The following NGEF variants were observed in gnomAD, a reference collection of about 807,000 sequenced individuals.
The protein encoded by NGEF is neuronal guanine nucleotide exchange factor.
NGEF carries 31 observed loss-of-function variants against 80.9 expected under a neutral mutation model. The observed-to-expected ratio is 0.38, with a 90% CI of 0.29 to 0.52. The LOEUF (loss-of-function observed/expected upper bound fraction) is 0.52. Ranked by LOEUF, NGEF falls within the 20% of genes least tolerant of loss-of-function variation. NGEF has a pLI of 0.84. For missense variants in NGEF, 709 were observed against 926.2 expected, an observed-to-expected ratio of 0.77 and a Z score of 3.04; for synonymous variants, 371 against 370.2, an observed-to-expected ratio of 1.00 and a Z score of -0.03.
intron 3 of NGEF, among the ~76,000 whole-genome samples, chr2:232,935,888 T>C (rs1213569553): frequency 2.0e-5 from 3 of 152,206 alleles, no homozygotes; most frequent in African/African-American, 7.2e-5. Context: ...GGAAATGTGG[T>C]AGCTTTTAAT....
intron 1 of NGEF, among the ~76,000 whole-genome samples, chr2:232,986,044 G>A (rs1386379640): frequency 6.6e-6 from 1 of 152,096 alleles, no homozygotes; most frequent in East Asian, 1.9e-4. Context: ...AAGCATTGCT[G>A]AAGATTGACT....
In NGEF at chr2:232,901,366, A is replaced by G. The variant is rs1692350401; in HGVS notation, c.829-6450T>C. ...TTTCTCCTCCCCGCTCTTTACCTAC[A>G]CGGTCTCCTTATGATCCAGGGTTCG... On this transcript the variant is annotated intron_variant, in intron 5 of 14. Coordinates refer to ENST00000264051, the MANE Select transcript of NGEF (RefSeq NM_019850.3). 3.0e-6 allele frequency: 3 copies of G among 985,162 alleles called. No individual in the cohort carries two copies. The South Asian group carries it at 1.4e-4, about 46-fold the overall frequency. The allele number at this position is 985,162 out of a possible 1,614,324, so 61.0% of individuals were successfully genotyped here. A position where few individuals can be genotyped will look rare whatever the true frequency, so the allele number is the denominator to read the frequency against.
intron 3 of NGEF, among the ~76,000 whole-genome samples, chr2:232,958,875 C>T (rs1486268740): frequency 6.6e-6 from 1 of 152,100 alleles, no homozygotes; most frequent in East Asian, 1.9e-4. Flanking sequence ...TTCTCCACTC[C>T]CACCCACTCC....
intron 5 of NGEF, among the ~76,000 whole-genome samples, chr2:232,904,392 C>T (rs959158819): frequency 2.0e-5 from 3 of 152,118 alleles, no homozygotes; most frequent in Non-Finnish European, 4.4e-5. Flanking sequence ...CCATGGCAGG[C>T]TAATTTTTGT....
At chr2:232,946,906 C>G (rs13413189) in intron 3 of NGEF, among the ~76,000 whole-genome samples, 14,450 of 145,030 alleles carry the variant, frequency 0.1, 887 homozygotes, top group African/African-American at 0.18. Context: ...TAGTCATACT[C>G]GAAAACAAAA....
At chr2:232,923,315 G>A (rs888991399) in intron 4 of NGEF, among the ~76,000 whole-genome samples, 2 of 152,146 alleles carry the variant, frequency 1.3e-5, no homozygotes, top group Non-Finnish European at 2.9e-5. Flanking sequence ...GTCACCCCAT[G>A]GCAGACGCTA....
At chr2:232,894,456 C>T in intron 6 of NGEF, 1 of 241,006 alleles carries the variant, frequency 4.1e-6, no homozygotes, top group Non-Finnish European at 8.0e-6. Flanking sequence ...CGGTTTGATG[C>T]ATGAGAGAGC....
Position 232,949,381 on chromosome 2 carries a change from G to A in NGEF, c.383+20833C>T, listed in dbSNP as rs1396046562. Among the ~76,000 whole-genome samples the A allele has an allele frequency of 3.9e-5, 6 of 152,102 alleles. No individual in the cohort carries two copies. In the East Asian group the frequency reaches 1.2e-3, roughly 29 times the overall value. On this transcript the variant is annotated intron_variant, in intron 3 of 14. Coordinates refer to ENST00000264051, the MANE Select transcript of NGEF (RefSeq NM_019850.3). ...AGTATCTTCTCAGGATAGACTCTGG[G>A]TCAAAGATTAGGAATATCTTTACTG...
chr2:232,960,965 T>G (rs1162117137), intron 3 of NGEF, among the ~76,000 whole-genome samples: 2 of 152,308 alleles, frequency 1.3e-5, no homozygotes, highest in Admixed American at 6.5e-5. Context: ...TGGCTTCCTG[T>G]GCCCCTCTTT....
chr2:233,010,790 G>A (rs575397312), intron 1 of NGEF, among the ~76,000 whole-genome samples: 2 of 152,292 alleles, frequency 1.3e-5, no homozygotes, highest in African/African-American at 4.8e-5. Context: ...AACAAAGGGA[G>A]GAGGAGTAAG....
intron 3 of NGEF, among the ~76,000 whole-genome samples, chr2:232,955,452 GC>G (rs1481198767): frequency 6.6e-6 from 1 of 152,180 alleles, no homozygotes; most frequent in Non-Finnish European, 1.5e-5. Context: ...CATCATGGCA[GC>G]CTGCTGATCA....
At chr2:232,907,695 A>T (rs996504605) in intron 5 of NGEF, among the ~76,000 whole-genome samples, 6 of 152,224 alleles carry the variant, frequency 3.9e-5, no homozygotes, top group African/African-American at 1.4e-4. Context: ...AAAGTAAAAA[A>T]AAAATCTTTA....
chr2:232,993,840 A>G (rs533610933), intron 1 of NGEF, among the ~76,000 whole-genome samples: 4 of 152,334 alleles, frequency 2.6e-5, no homozygotes, highest in Non-Finnish European at 2.9e-5. Context: ...GTATGATTGC[A>G]TTTATATGAA....
chr2:232,883,453 C>T lies in NGEF; in HGVS notation c.1615G>A (p.Val539Ile), dbSNP rs1304775412. ...AGTCCCCGCGGAGCTGAGTCAAATA[C>T]CTGGTACTTGTCTCTGGAGATCAGG... The part of the protein sequence containing the change: ...CRQIPGDKYQ[V>I]FDSAPRGLLR... The change falls in exon 12 of 15, where the codon GTA becomes ATA. Residue 539 changes from valine to isoleucine, a missense_variant. Val to Ile is a conservative substitution (Grantham distance 29). Around this residue, in one of 2 missense-constraint regions of NGEF, gnomAD observed 426 missense variants for 622.9 expected, o/e 0.68. Transcript: ENST00000264051. The T allele has an allele frequency of 1.9e-6, 3 of 1,601,852 alleles. No homozygotes were observed. The highest frequency in any genetic ancestry group is 2.6e-6 in the Non-Finnish European group (3 of 1,174,190).
In NGEF at chr2:232,892,829, G is replaced by A; in HGVS notation, c.1142+69C>T. On this transcript the variant is annotated intron_variant, in intron 7 of 14. Coordinates refer to ENST00000264051, the MANE Select transcript of NGEF (RefSeq NM_019850.3). The surrounding 1 kb of genome is among the most constrained non-coding windows in gnomAD (Gnocchi z 4.0). Reference sequence around the variant, plus strand: ...TGAAGTGTCACCGTGTAAGGAGCCTGGGCCAGCACTGGTATGGCTGCCCCG... The same window carrying A: ...TGAAGTGTCACCGTGTAAGGAGCCTAGGCCAGCACTGGTATGGCTGCCCCG... 6.6e-7 allele frequency: 1 copy of A among 1,526,594 alleles called. No homozygotes were observed. The highest frequency in any genetic ancestry group is 9.0e-7 in the Non-Finnish European group (1 of 1,113,324). 94.6% of individuals were successfully genotyped at this position (1,526,594 alleles called of 1,614,324 possible).
At chr2:232,967,325 C>G (rs1694082088) in intron 3 of NGEF, among the ~76,000 whole-genome samples, 1 of 151,974 alleles carries the variant, frequency 6.6e-6, no homozygotes, top group African/African-American at 2.4e-5. Flanking sequence ...AATCAAACTT[C>G]TTTTCTTCAT....
chr2:232,981,446 A>G (rs186491485), intron 1 of NGEF, among the ~76,000 whole-genome samples: 1 of 152,226 alleles, frequency 6.6e-6, no homozygotes, highest in African/African-American at 2.4e-5. Context: ...TGACTCCAAG[A>G]GTCTGACCCT....
chr2:233,003,623 C>T (rs1013974472), intron 1 of NGEF, among the ~76,000 whole-genome samples: 6 of 152,266 alleles, frequency 3.9e-5, no homozygotes, highest in South Asian at 4.1e-4. Context: ...TCCATGGAGA[C>T]GTCTGTTCAT....
chr2:232,894,319 A>T (rs1691985529), intron 6 of NGEF, among the ~76,000 whole-genome samples: 1 of 152,238 alleles, frequency 6.6e-6, no homozygotes, highest in African/African-American at 2.4e-5. Context: ...TGCACCCTGC[A>T]CAGGGCCTGA....
Sources: allele counts gnomAD v4.1 joint callset (sites outside exome capture counted in the v4.1 genomes callset), GRCh38; gene constraint gnomAD v4.1.1; regional missense constraint gnomAD v4.1.1; non-coding constraint Gnocchi (gnomAD v3.1); transcripts MANE v1.5; gene names NCBI Gene and HGNC (gene_info 2026-07-23, HGNC 2026-07-21).